GMCL1: variants seen among roughly 807,000 people sequenced by gnomAD.
GMCL1 encodes the protein germ cell-less 1, spermatogenesis associated.
Under a neutral mutation model 75.5 loss-of-function variants are expected in GMCL1, and 54 were observed. That is an observed-to-expected ratio of 0.71 (90% CI 0.57 to 0.90). The LOEUF (loss-of-function observed/expected upper bound fraction) is 0.90. GMCL1 is among the 40% of genes least tolerant of loss of function. GMCL1 has a pLI of 0.00. For missense variants in GMCL1, 537 were observed against 622.7 expected (o/e 0.86, Z 1.47); for synonymous variants, 210 against 209.6 (o/e 1.00, Z -0.02).
chr2:69,872,672 C>CTT (rs1186356209), intron 13 of GMCL1, among the ~76,000 whole-genome samples: 7 of 152,168 alleles, frequency 4.6e-5, no homozygotes, highest in African/African-American at 1.7e-4. Context: ...TGTTGAAACT[C>CTT]TAACTGACCC....
At chr2:69,846,935 C>T (rs1348350038) in intron 6 of GMCL1, among the ~76,000 whole-genome samples, 1 of 151,670 alleles carries the variant, frequency 6.6e-6, no homozygotes. Context: ...CTCAAGCGAT[C>T]CTTCCCACCC....
At chr2:69,851,893 A>G (rs1384409376) in intron 8 of GMCL1, among the ~76,000 whole-genome samples, 1 of 152,254 alleles carries the variant, frequency 6.6e-6, no homozygotes, top group East Asian at 1.9e-4. Context: ...TCAGAGCCAG[A>G]TAAATTAATT....
intron 4 of GMCL1, 49 bp from the exon 5 acceptor site, chr2:69,843,100 A>T: frequency 2.1e-6 from 2 of 970,066 alleles, no homozygotes; most frequent in Non-Finnish European, 3.1e-6. Flanking sequence ...GTCAGAGCTA[A>T]TTTTTCCCAC....
chr2:69,832,947 A>G (rs1050955075), intron 1 of GMCL1, among the ~76,000 whole-genome samples: 29 of 152,192 alleles, frequency 1.9e-4, no homozygotes, highest in African/African-American at 6.3e-4. Flanking sequence ...CCACAGAAGG[A>G]ACAAATTTGG....
intron 2 of GMCL1, 148 bp downstream of exon 2, chr2:69,837,818 C>A: frequency 1.1e-6 from 1 of 937,326 alleles, no homozygotes; most frequent in Non-Finnish European, 1.5e-6. Context: ...AAATGGCAAA[C>A]ATTGTTAGTG....
chr2:69,855,813 T>C (rs747054652), intron 9 of GMCL1, among the ~76,000 whole-genome samples: 7 of 152,230 alleles, frequency 4.6e-5, no homozygotes, highest in African/African-American at 7.2e-5. Context: ...TTTTAGTATC[T>C]GTTAAATACC....
chr2:69,850,290 A>G (rs7577662), intron 8 of GMCL1, among the ~76,000 whole-genome samples: 31,480 of 152,020 alleles, frequency 0.21, 3,384 homozygotes, highest in African/African-American at 0.26. Context: ...ATCAACTGCT[A>G]TAAGGTCTTA....
At chr2:69,847,115 AG>A (rs1675171178) in intron 6 of GMCL1, among the ~76,000 whole-genome samples, 1 of 151,524 alleles carries the variant, frequency 6.6e-6, no homozygotes, top group African/African-American at 2.4e-5. Flanking sequence ...TACAGATGTG[AG>A]CCACTATGCC....
chr2:69,829,662 T>G lies in GMCL1; in HGVS notation c.-231T>G, dbSNP rs1028848550. 9 of 517,092 alleles carry G rather than the reference T, an allele frequency of 1.7e-5. No individual in the cohort carries two copies. The highest frequency in any genetic ancestry group is 3.8e-5 in the Admixed American group (1 of 26,040). 32.0% of individuals were successfully genotyped at this position (517,092 alleles called of 1,614,324 possible). On this transcript the variant is annotated 5_prime_UTR_variant, in exon 1 of 14. Transcript: ENST00000282570. ...TACGCATGCGCCCTCCGTCCCGCGC[T>G]TTGTTGCGAAAGCGAGGGGGCGAGG...
chr2:69,865,053 A>G, intron 11 of GMCL1, 78 bp downstream of exon 11: 1 of 1,048,656 alleles, frequency 9.5e-7, no homozygotes, highest in South Asian at 1.3e-5. Flanking sequence ...AGTAGTAATC[A>G]TGACACCTGT....
intron 11 of GMCL1, among the ~76,000 whole-genome samples, chr2:69,867,237 C>G (rs765158944): frequency 6.6e-6 from 1 of 152,164 alleles, no homozygotes; most frequent in Non-Finnish European, 1.5e-5. Context: ...TGAGCCACCA[C>G]GTCCAGCCCT....
chr2:69,837,644 A>C lies in GMCL1; in HGVS notation c.358A>C (p.Ser120Arg). 1 of 1,599,314 alleles carries C rather than the reference A, an allele frequency of 6.3e-7. No individual in the cohort carries two copies. The highest frequency in any genetic ancestry group is 8.5e-7 in the Non-Finnish European group (1 of 1,176,202). The change falls in exon 2 of 14, where the codon AGC (serine) becomes CGC (arginine). Residue 120 changes from serine to arginine, a missense_variant. Ser to Arg is a moderately radical substitution (Grantham distance 110). This residue lies in a region of GMCL1 where 48 missense variants were observed against 85.0 expected (regional missense o/e 0.56). Coordinates refer to ENST00000282570, the MANE Select transcript of GMCL1 (RefSeq NM_178439.5). The part of the protein sequence containing the change: ...IKICALGEEW[S>R]LHKIYLCQSG... Reference sequence around the variant, plus strand: ...GATTTGTGCTCTAGGAGAAGAATGGAGCTTACACAAAATATATTTATGTCA... The same window carrying C: ...GATTTGTGCTCTAGGAGAAGAATGGCGCTTACACAAAATATATTTATGTCA...
chr2:69,865,103 A>G, intron 11 of GMCL1, 128 bp downstream of exon 11: 5 of 623,312 alleles, frequency 8.0e-6, no homozygotes, highest in Non-Finnish European at 1.4e-5. Context: ...TTTCTGTAGC[A>G]TGATCTGCTG....
At chr2:69,842,149 G>A (rs1189726662) in intron 4 of GMCL1, among the ~76,000 whole-genome samples, 1 of 152,168 alleles carries the variant, frequency 6.6e-6, no homozygotes, top group Non-Finnish European at 1.5e-5. Context: ...AGGAAAGTAG[G>A]GTAGTAGCAA....
At chr2:69,873,903 A>T (rs1377622867) in intron 13 of GMCL1, 1 of 165,812 alleles carries the variant, frequency 6.0e-6, no homozygotes, top group Non-Finnish European at 1.5e-5. Flanking sequence ...GCCCAAGGCC[A>T]GGTGAGCCTA....
rs1676236629 is a variant in GMCL1 at position 69,880,039 on chromosome 2, T to C, written c.*1035T>C. The C allele has an allele frequency of 6.6e-6, 1 of 152,220 alleles. No homozygotes were observed. The highest frequency in any genetic ancestry group is 2.4e-5 in the African/African-American group (1 of 41,466). The allele number at this position is 152,220 out of a possible 1,614,324, so 9.4% of individuals were successfully genotyped here. A position where few individuals can be genotyped will look rare whatever the true frequency, so the allele number is the denominator to read the frequency against. On this transcript the variant is annotated 3_prime_UTR_variant, in exon 14 of 14. Coordinates refer to ENST00000282570, the MANE Select transcript of GMCL1 (RefSeq NM_178439.5). ...GGAGCCTGATGATGAAGCATTAATG[T>C]AAAAATGGAACTTATTTTTGTCAAA...
At chr2:69,864,761 C>T (rs1175600669) in intron 10 of GMCL1, 139 bp from the exon 11 acceptor site, 4 of 589,334 alleles carry the variant, frequency 6.8e-6, no homozygotes, top group South Asian at 2.3e-5. Context: ...ATTTAATCAA[C>T]ACTTTCTTAT....
chr2:69,875,858 C>CT (rs35805512), intron 13 of GMCL1, among the ~76,000 whole-genome samples: 27,628 of 151,938 alleles, frequency 0.18, 3,036 homozygotes, highest in Middle Eastern at 0.24. Flanking sequence ...CCACGCCCAG[C>CT]TTTTTTGTAT....
Position 69,880,912 on chromosome 2 carries a change from T to C in GMCL1, c.*1908T>C, listed in dbSNP as rs373941832. On this transcript the variant is annotated 3_prime_UTR_variant, in exon 14 of 14. Coordinates refer to ENST00000282570, the MANE Select transcript of GMCL1 (RefSeq NM_178439.5). ...TTTATATTTGACTACATTAGGTCTTTTTCACGGGAAGCTGTTGTTTTCTTT... is the reference window on the plus strand; with the variant it reads ...TTTATATTTGACTACATTAGGTCTTCTTCACGGGAAGCTGTTGTTTTCTTT... 1 of 152,280 alleles carries C rather than the reference T, an allele frequency of 6.6e-6. No individual in the cohort carries two copies. The highest frequency in any genetic ancestry group is 2.4e-5 in the African/African-American group (1 of 41,576). 9.4% of individuals were successfully genotyped at this position (152,280 alleles called of 1,614,324 possible).
Sources: gnomAD v4.1 joint callset for allele counts (sites outside exome capture counted in the v4.1 genomes callset) on GRCh38, gnomAD v4.1.1 for gene constraint, gnomAD v4.1.1 regional missense constraint, MANE v1.5 for transcripts, NCBI Gene and HGNC (gene_info 2026-07-23, HGNC 2026-07-21) for gene names.